The following BANK1 variants were observed in gnomAD, a reference collection of about 807,000 sequenced individuals.
BANK1 encodes the protein B cell scaffold protein with ankyrin repeats 1.
BANK1 carries 95 observed loss-of-function variants against 94.5 expected under a neutral mutation model. That is an observed-to-expected ratio of 1.00 (90% CI 0.85 to 1.19). The LOEUF is 1.19. BANK1 is among the 50% of genes most tolerant of loss of function. The pLI, the probability that BANK1 is intolerant of heterozygous loss-of-function variation, is 0.00. For missense variants in BANK1, 987 were observed against 932.2 expected (o/e 1.06, Z -0.77); for synonymous variants, 334 against 308.4 (o/e 1.08, Z -0.87).
intron 7 of BANK1, among the ~76,000 whole-genome samples, chr4:102,020,843 A>G (rs1375222468): frequency 2.0e-5 from 3 of 152,160 alleles, no homozygotes; most frequent in East Asian, 3.8e-4. Context: ...TTTTGCACAA[A>G]TAGAACCATC....
At chr4:102,045,651 G>C (rs1437128944) in intron 11 of BANK1, among the ~76,000 whole-genome samples, 1 of 151,924 alleles carries the variant, frequency 6.6e-6, no homozygotes, top group Non-Finnish European at 1.5e-5. Context: ...ACCAACATCA[G>C]ACAAACAGAG....
rs768588726 is a variant in BANK1 at position 101,802,681 on chromosome 4, C to T, written c.70+11731C>T. 6.4e-4 allele frequency among the ~76,000 whole-genome samples: 98 copies of T among 152,194 alleles called. 1 individual carries two copies. The highest frequency in any genetic ancestry group is 1.0e-3 in the Non-Finnish European group (69 of 68,002). Reference sequence around the variant, plus strand: ...CTGCTTTACTTAGTGGTTGTAGGACCGTATGTAACTTCATTATAAGACCTC... The same window carrying T: ...CTGCTTTACTTAGTGGTTGTAGGACTGTATGTAACTTCATTATAAGACCTC... On this transcript the variant is annotated intron_variant, in intron 1 of 16. Coordinates refer to ENST00000322953, the MANE Select transcript of BANK1 (RefSeq NM_017935.5).
chr4:101,927,349 A>ATATGGGGAT (rs1277458084), intron 7 of BANK1, among the ~76,000 whole-genome samples: 1 of 151,710 alleles, frequency 6.6e-6, no homozygotes, highest in African/African-American at 2.4e-5. Flanking sequence ...CACCCTGGAC[A>ATATGGGGAT]TATGGGGATT....
intron 5 of BANK1, among the ~76,000 whole-genome samples, chr4:101,888,308 C>T (rs907309959): frequency 1.5e-4 from 23 of 152,158 alleles, no homozygotes; most frequent in African/African-American, 5.3e-4. Context: ...CAACGAGACA[C>T]AAGGGGACAT....
chr4:101,921,868 T>C (rs1301950627), intron 7 of BANK1, among the ~76,000 whole-genome samples: 3 of 151,938 alleles, frequency 2.0e-5, no homozygotes, highest in South Asian at 2.1e-4. Flanking sequence ...CAGCTTTCCA[T>C]GCACATTCTC....
chr4:101,878,686 A>G (rs962478028), intron 5 of BANK1, among the ~76,000 whole-genome samples: 6 of 152,218 alleles, frequency 3.9e-5, no homozygotes, highest in Non-Finnish European at 8.8e-5. Context: ...ATTCTCAAAA[A>G]TAGACCATAT....
At chr4:101,916,341 G>A (rs1394409754) in intron 6 of BANK1, among the ~76,000 whole-genome samples, 2 of 151,892 alleles carry the variant, frequency 1.3e-5, no homozygotes, top group Non-Finnish European at 2.9e-5. Flanking sequence ...ACCCCAAAGT[G>A]GTCATTCTAC....
At chr4:102,035,294 GCT>G (rs1727465046) in intron 10 of BANK1, among the ~76,000 whole-genome samples, 1 of 152,140 alleles carries the variant, frequency 6.6e-6, no homozygotes, top group Non-Finnish European at 1.5e-5. Context: ...AAAACATGAA[GCT>G]CTATTTCACC....
At chr4:101,885,345 CCTT>C (rs1051303984) in intron 5 of BANK1, among the ~76,000 whole-genome samples, 26 of 152,064 alleles carry the variant, frequency 1.7e-4, no homozygotes, top group African/African-American at 6.3e-4. Context: ...TGTCCCTTCT[CCTT>C]CTCTCCAGTT....
At chr4:102,061,152 A>G (rs1437018439) in intron 12 of BANK1, among the ~76,000 whole-genome samples, 2 of 152,260 alleles carry the variant, frequency 1.3e-5, no homozygotes, top group African/African-American at 2.4e-5. Flanking sequence ...AGGCCAAAGT[A>G]TAAATAATTG....
At chr4:101,986,877 G>GTGTATA (rs1725514143) in intron 7 of BANK1, among the ~76,000 whole-genome samples, 2 of 79,108 alleles carry the variant, frequency 2.5e-5, no homozygotes, top group African/African-American at 7.0e-5. Flanking sequence ...GTGTGTATGT[G>GTGTATA]TGTGTGTGTG....
chr4:101,994,450 C>T (rs1270814551), intron 7 of BANK1, among the ~76,000 whole-genome samples: 2 of 152,110 alleles, frequency 1.3e-5, no homozygotes, highest in Non-Finnish European at 2.9e-5. Flanking sequence ...GAGAGTTTCA[C>T]CATCTGTCTA....
In BANK1 at chr4:101,914,032, A is replaced by G. The variant is rs116583904; in HGVS notation, c.1010-3961A>G. Among the ~76,000 whole-genome samples, 709 of 152,338 alleles carry G rather than the reference A, an allele frequency of 4.7e-3. 7 individuals are homozygous for G. Among genetic ancestry groups the G allele is most frequent in the African/African-American group, 0.017 (694 of 41,576 alleles). ...GAAGAATTTCTATCAAAAATTTTCAAATGTACAGTCTTTCAAAGAAATTAT... is the reference window on the plus strand; with the variant it reads ...GAAGAATTTCTATCAAAAATTTTCAGATGTACAGTCTTTCAAAGAAATTAT... On this transcript the variant is annotated intron_variant, in intron 6 of 16. Coordinates refer to ENST00000322953, the MANE Select transcript of BANK1 (RefSeq NM_017935.5).
At chr4:101,962,489 CA>C in intron 7 of BANK1, among the ~76,000 whole-genome samples, 1 of 152,170 alleles carries the variant, frequency 6.6e-6, no homozygotes, top group Non-Finnish European at 1.5e-5. Context: ...CACTGACCAA[CA>C]ATTCTCTTTC....
chr4:101,882,405 A>T lies in BANK1; in HGVS notation c.903+11761A>T, dbSNP rs1480291697. ...GAACTTATTCTGTACACTTTTCTTC[A>T]TTTTCTACCTTAGTAATACACCATG... On this transcript the variant is annotated intron_variant, in intron 5 of 16. Transcript: ENST00000322953. Among the ~76,000 whole-genome samples, 3 of 152,140 alleles carry T rather than the reference A, an allele frequency of 2.0e-5. No individual in the cohort carries two copies. In the East Asian group the frequency reaches 5.8e-4, roughly 29 times the overall value.
At chr4:101,857,833 C>T (rs991795137) in intron 3 of BANK1, among the ~76,000 whole-genome samples, 1 of 152,058 alleles carries the variant, frequency 6.6e-6, no homozygotes, top group Non-Finnish European at 1.5e-5. Flanking sequence ...CTTAATTTGA[C>T]CTCTTCTTTT....
At chr4:101,870,905 G>T (rs1728262308) in intron 5 of BANK1, among the ~76,000 whole-genome samples, 1 of 151,930 alleles carries the variant, frequency 6.6e-6, no homozygotes, top group Admixed American at 6.6e-5. Context: ...TCATTTTAAA[G>T]CTGTTACAAG....
At chr4:101,887,756 A>G (rs1578379321) in intron 5 of BANK1, among the ~76,000 whole-genome samples, 1 of 150,208 alleles carries the variant, frequency 6.7e-6, no homozygotes, top group African/African-American at 2.5e-5. Context: ...TCATTGTTTT[A>G]TATGTTTGTT....
intron 6 of BANK1, among the ~76,000 whole-genome samples, chr4:101,909,720 G>C (rs986555439): frequency 1.3e-5 from 2 of 152,174 alleles, no homozygotes; most frequent in African/African-American, 4.8e-5. Flanking sequence ...TTTATGCCCA[G>C]ATTTTGGGGG....
Sources: gnomAD v4.1 joint callset for allele counts (sites outside exome capture counted in the v4.1 genomes callset) on GRCh38, gnomAD v4.1.1 for gene constraint, MANE v1.5 for transcripts, NCBI Gene and HGNC (gene_info 2026-07-23, HGNC 2026-07-21) for gene names.